EGFLAM: variants seen among roughly 807,000 people sequenced by gnomAD.
The protein encoded by EGFLAM is pikachurin.
Under a neutral mutation model 113.1 loss-of-function variants are expected in EGFLAM, and 79 were observed. The observed-to-expected ratio is 0.70, with a 90% CI of 0.58 to 0.84. The LOEUF is 0.84. EGFLAM is among the 40% of genes least tolerant of loss of function. EGFLAM has a pLI of 0.00. For missense variants in EGFLAM, 1,265 were observed against 1,291.6 expected, an observed-to-expected ratio of 0.98 and a Z score of 0.32; for synonymous variants, 504 against 487.6, an observed-to-expected ratio of 1.03 and a Z score of -0.44.
chr5:38,419,355 T>C (rs1741756160), intron 12 of EGFLAM, among the ~76,000 whole-genome samples: 1 of 152,222 alleles, frequency 6.6e-6, no homozygotes, highest in Admixed American at 6.5e-5. Context: ...TTTCACTCAC[T>C]ACTCTAAGCG....
At chr5:38,435,630 G>A (rs1367018410) in intron 16 of EGFLAM, among the ~76,000 whole-genome samples, 17 of 152,046 alleles carry the variant, frequency 1.1e-4, no homozygotes, top group Admixed American at 9.2e-4. Context: ...TCTCTTTTGC[G>A]GTACTTTGCA....
At chr5:38,394,520 C>A (rs1000946425) in intron 6 of EGFLAM, among the ~76,000 whole-genome samples, 1 of 151,834 alleles carries the variant, frequency 6.6e-6, no homozygotes, top group Non-Finnish European at 1.5e-5. Context: ...CGCCATTCTC[C>A]TGCCTCAGCC....
intron 1 of EGFLAM, among the ~76,000 whole-genome samples, chr5:38,289,638 TG>T (rs1254341250): frequency 3.9e-5 from 6 of 152,310 alleles, no homozygotes; most frequent in Admixed American, 2.0e-4. Flanking sequence ...TCACAACCAT[TG>T]GCCAGAACGA....
intron 10 of EGFLAM, among the ~76,000 whole-genome samples, chr5:38,410,262 A>T (rs556587808): frequency 4.6e-5 from 7 of 152,276 alleles, no homozygotes; most frequent in South Asian, 2.1e-4. Flanking sequence ...TTACTAAATG[A>T]TTTGATTCAC....
intron 1 of EGFLAM, among the ~76,000 whole-genome samples, chr5:38,281,834 G>A (rs1200206898): frequency 1.3e-5 from 2 of 152,192 alleles, no homozygotes; most frequent in Non-Finnish European, 2.9e-5. Flanking sequence ...ATACACTGTA[G>A]CTGCTAAAGA....
intron 6 of EGFLAM, among the ~76,000 whole-genome samples, chr5:38,394,611 G>A (rs1200724992): frequency 6.6e-6 from 1 of 151,014 alleles, no homozygotes; most frequent in Admixed American, 6.6e-5. Context: ...GGGTTTCACC[G>A]TGTTAGCCAG....
rs768350380 is a variant in EGFLAM, at chr5:38,406,898, C to T, written c.899C>T (p.Ser300Phe). The change falls in exon 8 of 22, where the codon TCT (serine) becomes TTT (phenylalanine). Residue 300 changes from serine to phenylalanine, a missense_variant. Ser to Phe is a radical substitution (Grantham distance 155). Coordinates refer to ENST00000322350, the MANE Select transcript of EGFLAM (RefSeq NM_152403.4). ...FLVESKKMSISNPKTISRLIP... is the reference protein window; with the variant it reads ...FLVESKKMSIFNPKTISRLIP... ...GTGGAAAGCAAGAAGATGTCTATAT[C>T]TAACCCAAAGACCATTTCTAGGCTC... is the stretch of plus-strand genomic sequence containing the variant. The T allele has an allele frequency of 9.3e-6, 15 of 1,614,078 alleles. No individual in the cohort carries two copies. Among genetic ancestry groups the T allele is most frequent in the Non-Finnish European group, 1.1e-5 (13 of 1,180,046 alleles).
chr5:38,343,848 T>C (rs566700251), intron 3 of EGFLAM, among the ~76,000 whole-genome samples: 4 of 152,340 alleles, frequency 2.6e-5, no homozygotes, highest in Admixed American at 2.6e-4. Flanking sequence ...TGAAGGTTGT[T>C]TTAGAAGAAT....
chr5:38,329,432 A>G (rs536381083), intron 1 of EGFLAM, among the ~76,000 whole-genome samples: 1 of 152,300 alleles, frequency 6.6e-6, no homozygotes, highest in South Asian at 2.1e-4. Flanking sequence ...TATTGGGTCC[A>G]AGTGTCTGAC....
At chr5:38,451,215 C>G (rs1486301911) in intron 18 of EGFLAM, 100 bp from the exon 19 acceptor site, 2 of 1,500,322 alleles carry the variant, frequency 1.3e-6, no homozygotes, top group Admixed American at 1.8e-5. Flanking sequence ...GCCAGACTAT[C>G]CTTACATCTG....
At chr5:38,271,090 G>C (rs1179355540) in intron 1 of EGFLAM, among the ~76,000 whole-genome samples, 1 of 152,130 alleles carries the variant, frequency 6.6e-6, no homozygotes, top group African/African-American at 2.4e-5. Flanking sequence ...TGATGAAAGA[G>C]TTGGAGTCAG....
intron 1 of EGFLAM, among the ~76,000 whole-genome samples, chr5:38,273,769 AT>A (rs1236921818): frequency 6.6e-6 from 1 of 152,242 alleles, no homozygotes; most frequent in Non-Finnish European, 1.5e-5. Context: ...TGGAATAAGT[AT>A]CTGCTTCATC....
intron 4 of EGFLAM, among the ~76,000 whole-genome samples, chr5:38,351,060 G>A (rs1430624603): frequency 1.3e-5 from 2 of 151,892 alleles, no homozygotes; most frequent in Non-Finnish European, 2.9e-5. Context: ...CTGGCAAGGA[G>A]CTTTTTGTGG....
At chr5:38,411,511 G>T (rs1234042713) in intron 10 of EGFLAM, among the ~76,000 whole-genome samples, 1 of 133,912 alleles carries the variant, frequency 7.5e-6, no homozygotes, top group Admixed American at 8.1e-5. Flanking sequence ...TTTTGAGACA[G>T]AGTCTCTGTT....
chr5:38,271,588 T>C (rs1354223914), intron 1 of EGFLAM, among the ~76,000 whole-genome samples: 4 of 152,212 alleles, frequency 2.6e-5, no homozygotes, highest in Admixed American at 2.0e-4. Flanking sequence ...CTGAATGTTA[T>C]CCACATGTTG....
chr5:38,387,233 A>G (rs948823514), intron 6 of EGFLAM, among the ~76,000 whole-genome samples: 2 of 152,178 alleles, frequency 1.3e-5, no homozygotes, highest in Non-Finnish European at 2.9e-5. Flanking sequence ...GGGCTAATAT[A>G]AAACCACCTC....
intron 12 of EGFLAM, among the ~76,000 whole-genome samples, chr5:38,422,119 C>G (rs564579726): frequency 1.3e-5 from 2 of 152,202 alleles, no homozygotes; most frequent in South Asian, 4.1e-4. Flanking sequence ...TGTTCATGGT[C>G]TCTTTAAGGA....
Position 38,357,864 on chromosome 5 carries a change from C to CTT in EGFLAM, c.545+5548_545+5549dup, listed in dbSNP as rs796951086. On this transcript the variant is annotated intron_variant, in intron 5 of 21. Coordinates refer to ENST00000322350, the MANE Select transcript of EGFLAM (RefSeq NM_152403.4). The stretch of plus-strand genomic sequence containing the variant: ...GTTAGGAGATAGTCTAACAAATTTT[C>CTT]TTTTTTTTTTTTTTTTGATATTGAG... Among the ~76,000 whole-genome samples the CTT allele has an allele frequency of 2.8e-4, 33 of 115,796 alleles. 1 individual carries two copies. The highest frequency in any genetic ancestry group is 6.3e-4 in the African/African-American group (20 of 31,548). 76.0% of individuals were successfully genotyped at this position (115,796 alleles called of 152,430 possible). A position where few individuals can be genotyped will look rare whatever the true frequency, so the allele number is the denominator to read the frequency against.
chr5:38,357,967 ATTTTTTTTT>A (rs70978882), intron 5 of EGFLAM, among the ~76,000 whole-genome samples: 17 of 119,420 alleles, frequency 1.4e-4, no homozygotes, highest in Admixed American at 7.2e-4. Flanking sequence ...GGTTAAGTGA[ATTTTTTTTT>A]TTTTTTTTTT....
Sources: allele counts gnomAD v4.1 joint callset (sites outside exome capture counted in the v4.1 genomes callset), GRCh38; gene constraint gnomAD v4.1.1; transcripts MANE v1.5; gene names NCBI Gene and HGNC (gene_info 2026-07-23, HGNC 2026-07-21).